Variants in KIAA1217 observed in about 807,000 individuals in gnomAD.
The protein encoded by KIAA1217 is KIAA1217, also known as sickle tail protein homolog.
Under a neutral mutation model 163.9 loss-of-function variants are expected in KIAA1217, and 88 were observed. The ratio of observed to expected loss-of-function variants is 0.54; its 90% confidence interval spans 0.45 to 0.64. KIAA1217 has a LOEUF of 0.64. Among genes scored for constraint, KIAA1217 ranks in the 30% least tolerant of loss-of-function variants. The probability of loss-of-function intolerance (pLI) is 0.00; values close to 1 mark genes in which losing one functional copy is unlikely to be tolerated. For synonymous variants in KIAA1217, 903 were observed against 923.1 expected, an observed-to-expected ratio of 0.98 and a Z score of 0.39; for missense variants, 2,372 against 2,475.0, an observed-to-expected ratio of 0.96 and a Z score of 0.88.
intron 2 of KIAA1217, among the ~76,000 whole-genome samples, chr10:24,056,268 C>T (rs141295762): frequency 5.9e-4 from 89 of 152,060 alleles, no homozygotes; most frequent in African/African-American, 2.0e-3. Context: ...ATGGAGGTCA[C>T]GGTGAGCCAA....
chr10:24,188,901 C>G (rs1479060311), intron 2 of KIAA1217, among the ~76,000 whole-genome samples: 1 of 151,916 alleles, frequency 6.6e-6, no homozygotes, highest in Non-Finnish European at 1.5e-5. Flanking sequence ...GTCAGGAGAT[C>G]GAGACCATCC....
intron 15 of KIAA1217, 112 bp downstream of exon 15, chr10:24,532,105 A>T: frequency 1.0e-6 from 1 of 957,188 alleles, no homozygotes; most frequent in African/African-American, 1.7e-5. Context: ...TAGTAACTCG[A>T]CCACACAAGA....
chr10:24,236,844 G>A (rs1312920666), intron 2 of KIAA1217, among the ~76,000 whole-genome samples: 1 of 151,478 alleles, frequency 6.6e-6, no homozygotes, highest in Non-Finnish European at 1.5e-5. Flanking sequence ...TAGAGACGGG[G>A]TATTGCTATG....
chr10:23,903,060 A>G (rs186016411), intron 1 of KIAA1217, among the ~76,000 whole-genome samples: 3 of 152,218 alleles, frequency 2.0e-5, no homozygotes, highest in Non-Finnish European at 4.4e-5. Flanking sequence ...CCATGTGTGT[A>G]GGAAAGTTAG....
chr10:24,357,393 T>C (rs149125770), intron 2 of KIAA1217, among the ~76,000 whole-genome samples: 1 of 152,272 alleles, frequency 6.6e-6, no homozygotes, highest in East Asian at 1.9e-4. Context: ...CCACCTCTTT[T>C]CCCTATTAAA....
At position 23,850,242 on chromosome 10, in the gene KIAA1217, T is replaced by G. The variant is rs1839245292; in HGVS notation, c.-321+155008T>G. 2.0e-5 allele frequency among the ~76,000 whole-genome samples: 3 copies of G among 152,112 alleles called. No individual in the cohort carries two copies. The South Asian group carries it at 6.2e-4, about 31-fold the overall frequency. On this transcript the variant is annotated intron_variant, in intron 1 of 18. Transcript: ENST00000376462. Reference sequence around the variant, plus strand: ...CATGGTTAACATCTTCTAGATAAATTTAACCCTAGCTAACAGCTGGGCTGG... The same window carrying G: ...CATGGTTAACATCTTCTAGATAAATGTAACCCTAGCTAACAGCTGGGCTGG...
At chr10:23,737,724 C>A (rs1393765923) in intron 1 of KIAA1217, among the ~76,000 whole-genome samples, 1 of 151,998 alleles carries the variant, frequency 6.6e-6, no homozygotes, top group Admixed American at 6.6e-5. Flanking sequence ...AAATTATTTA[C>A]ATTTGTGAGA....
At chr10:24,305,245 A>T (rs958159789) in intron 2 of KIAA1217, among the ~76,000 whole-genome samples, 1 of 152,230 alleles carries the variant, frequency 6.6e-6, no homozygotes, top group Non-Finnish European at 1.5e-5. Context: ...ACAGCCAGTA[A>T]GTCAAGAGAC....
chr10:24,109,341 A>G (rs1040465167), intron 2 of KIAA1217, among the ~76,000 whole-genome samples: 16 of 151,848 alleles, frequency 1.1e-4, no homozygotes, highest in African/African-American at 3.9e-4. Context: ...CTTGTTTTAT[A>G]TAGTTAATTG....
At chr10:23,724,697 G>T (rs796113299) in intron 1 of KIAA1217, among the ~76,000 whole-genome samples, 4 of 152,238 alleles carry the variant, frequency 2.6e-5, no homozygotes, top group African/African-American at 9.6e-5. Flanking sequence ...GCCCTAAATG[G>T]TCCCAGAAAG....
chr10:24,121,523 A>G (rs2063281135), intron 2 of KIAA1217, among the ~76,000 whole-genome samples: 1 of 152,194 alleles, frequency 6.6e-6, no homozygotes, highest in Admixed American at 6.5e-5. Context: ...CACTTAGAAG[A>G]CAGAATGAAG....
chr10:23,712,365 TAGTC>T (rs1000257553), intron 1 of KIAA1217, among the ~76,000 whole-genome samples: 36 of 151,758 alleles, frequency 2.4e-4, no homozygotes, highest in African/African-American at 8.5e-4. Flanking sequence ...CTCAGTATGA[TAGTC>T]AGCAGCAAGC....
chr10:24,432,841 A>G (rs1365611910), intron 3 of KIAA1217, among the ~76,000 whole-genome samples, 154 bp from the exon 4 acceptor site: 4 of 152,204 alleles, frequency 2.6e-5, no homozygotes, highest in Non-Finnish European at 4.4e-5. Context: ...CAAACAGTGC[A>G]TTCCTTGGAA....
At chr10:24,226,793 T>C (rs1305034169) in intron 2 of KIAA1217, among the ~76,000 whole-genome samples, 4 of 152,148 alleles carry the variant, frequency 2.6e-5, no homozygotes, top group Non-Finnish European at 5.9e-5. Flanking sequence ...TTCAGAAAGA[T>C]CTGTAGTCCA....
chr10:24,302,076 G>C (rs566394862), intron 2 of KIAA1217, among the ~76,000 whole-genome samples: 1 of 152,202 alleles, frequency 6.6e-6, no homozygotes, highest in South Asian at 2.1e-4. Context: ...GACAGCAAAC[G>C]AGACATAGGG....
intron 1 of KIAA1217, among the ~76,000 whole-genome samples, chr10:23,982,269 CAA>C (rs1407267997): frequency 1.3e-5 from 2 of 152,130 alleles, no homozygotes; most frequent in East Asian, 3.9e-4. Context: ...GCAATGGTCT[CAA>C]AGTCATACAA....
intron 2 of KIAA1217, among the ~76,000 whole-genome samples, chr10:24,268,078 G>A (rs1476118513): frequency 6.6e-6 from 1 of 152,074 alleles, no homozygotes; most frequent in Non-Finnish European, 1.5e-5. Context: ...AGTAAGCTAC[G>A]CGGGCAGGCA....
At chr10:24,129,207 TG>T (rs890819002) in intron 2 of KIAA1217, among the ~76,000 whole-genome samples, 2 of 152,228 alleles carry the variant, frequency 1.3e-5, no homozygotes, top group Admixed American at 1.3e-4. Context: ...CTTTCAATTA[TG>T]TGCCTTACTG....
Position 23,853,590 on chromosome 10 carries a change from T to A in KIAA1217, c.-320-153635T>A, listed in dbSNP as rs148279872. ...ATTGCAATAGTTTCAGAAGGAATGG[T>A]ACCAATTCCTCCTTGTACCTCTGGT... On this transcript the variant is annotated intron_variant, in intron 1 of 18. Transcript: ENST00000376462. 9.9e-3 allele frequency among the ~76,000 whole-genome samples: 1,513 copies of A among 152,318 alleles called. 29 individuals carry two copies. The highest frequency in any genetic ancestry group is 0.035 in the African/African-American group (1,436 of 41,580).
Sources: allele counts gnomAD v4.1 joint callset (sites outside exome capture counted in the v4.1 genomes callset), GRCh38; gene constraint gnomAD v4.1.1; transcripts MANE v1.5; gene names NCBI Gene and HGNC (gene_info 2026-07-23, HGNC 2026-07-21).